Variants in INTS3 observed in about 807,000 individuals in gnomAD.
INTS3 encodes the protein integrator complex subunit 3.
In INTS3, 34 loss-of-function variants were observed where a neutral mutation model predicts 146.3. The observed-to-expected ratio is 0.23, with a 90% confidence interval of 0.18 to 0.31. The LOEUF is 0.31. INTS3 is among the 10% of genes least tolerant of loss of function. The pLI is 1.00. For synonymous variants in INTS3, 475 were observed against 494.9 expected (o/e 0.96, Z 0.53); for missense variants, 757 against 1,304.2 (o/e 0.58, Z 6.46).
intron 6 of INTS3, among the ~76,000 whole-genome samples, chr1:153,749,847 A>G (rs1350100241): frequency 1.3e-5 from 2 of 152,150 alleles, no homozygotes; most frequent in Non-Finnish European, 2.9e-5. Context: ...TATTCGTGGT[A>G]CCAAATACGT....
intron 1 of INTS3, among the ~76,000 whole-genome samples, chr1:153,734,031 C>T (rs111736946): frequency 2.0e-5 from 3 of 152,128 alleles, no homozygotes; most frequent in Non-Finnish European, 4.4e-5. Flanking sequence ...GCCTTCCCCC[C>T]CTTTCTCCCC....
chr1:153,770,449 C>G, intron 24 of INTS3, 138 bp downstream of exon 24: 1 of 717,252 alleles, frequency 1.4e-6, no homozygotes, highest in Non-Finnish European at 2.4e-6. Flanking sequence ...AGGGCAGGCT[C>G]TCTGTCAGCC....
At chr1:153,760,714 C>A in intron 12 of INTS3, 113 bp from the exon 13 acceptor site, 1 of 843,632 alleles carries the variant, frequency 1.2e-6, no homozygotes, top group Non-Finnish European at 2.0e-6. Flanking sequence ...CTCTCTGCAG[C>A]CATACTCCCC....
chr1:153,743,410 A>G (rs535284444), intron 3 of INTS3, among the ~76,000 whole-genome samples: 120 of 152,318 alleles, frequency 7.9e-4, no homozygotes, highest in African/African-American at 2.5e-3. Flanking sequence ...GAATACTGCT[A>G]TAAGGAAGGT....
At chr1:153,747,411 G>C (rs1671789314) in intron 5 of INTS3, 48 bp downstream of exon 5, 1 of 1,363,928 alleles carries the variant, frequency 7.3e-7, no homozygotes, top group South Asian at 1.2e-5. Flanking sequence ...AGAGCCCAGA[G>C]ACTACATAGA....
chr1:153,728,623 C>T lies in INTS3; in HGVS notation c.-12C>T. 2 of 1,596,282 alleles carry T rather than the reference C, an allele frequency of 1.3e-6. No individual in the cohort carries two copies. The highest frequency in any genetic ancestry group is 1.7e-6 in the Non-Finnish European group (2 of 1,174,240). On this transcript the variant is annotated 5_prime_UTR_variant, in exon 1 of 30. Transcript: ENST00000318967. ...CCACTCCCTGACCTTTTCCCGGCTCCTGGCTGCAGCCATGGAGTTGCAGAA... is the reference window on the plus strand; with the variant it reads ...CCACTCCCTGACCTTTTCCCGGCTCTTGGCTGCAGCCATGGAGTTGCAGAA...
chr1:153,733,315 C>T lies in INTS3; in HGVS notation c.150+4531C>T, dbSNP rs566967213. Among the ~76,000 whole-genome samples the T allele has an allele frequency of 1.0e-3, 133 of 130,484 alleles. 1 individual carries two copies. Among genetic ancestry groups the T allele is most frequent in the African/African-American group, 3.6e-3 (125 of 35,206 alleles). 85.6% of individuals were successfully genotyped at this position (130,484 alleles called of 152,430 possible). A position where few individuals can be genotyped will look rare whatever the true frequency, so the allele number is the denominator to read the frequency against. ...GCAACCTCCGCCCCCTGGGTTCAAG[C>T]GATTCTCCTGCCTCAGCCTCCCAAG... is the stretch of plus-strand genomic sequence containing the variant. On this transcript the variant is annotated intron_variant, in intron 1 of 29. Coordinates refer to ENST00000318967, the MANE Select transcript of INTS3 (RefSeq NM_023015.5).
intron 18 of INTS3, 42 bp from the exon 19 acceptor site, chr1:153,764,648 C>T: frequency 1.4e-6 from 2 of 1,465,708 alleles, no homozygotes; most frequent in Non-Finnish European, 1.9e-6. Context: ...GTGCCAGCAG[C>T]CCCCCTCACA....
intron 3 of INTS3, among the ~76,000 whole-genome samples, chr1:153,744,038 CGTGT>C (rs200825280): frequency 0.15 from 21,376 of 142,052 alleles, 2,027 homozygotes; most frequent in African/African-American, 0.29. Flanking sequence ...TGTGCATGTG[CGTGT>C]GTGTGTGTGT....
intron 25 of INTS3, 73 bp from the exon 26 acceptor site, chr1:153,771,723 A>C (rs1208160886): frequency 4.8e-6 from 7 of 1,468,942 alleles, no homozygotes; most frequent in Non-Finnish European, 6.5e-6. Flanking sequence ...GGGCTTGGGA[A>C]ATAAGTGGGA....
chr1:153,763,047 T>C (rs1672443049), intron 15 of INTS3, among the ~76,000 whole-genome samples, 186 bp from the exon 16 acceptor site: 1 of 152,258 alleles, frequency 6.6e-6, no homozygotes, highest in Non-Finnish European at 1.5e-5. Context: ...AAGTGGTTCC[T>C]GCCCTTGTTT....
At chr1:153,731,860 C>T (rs1198382039) in intron 1 of INTS3, among the ~76,000 whole-genome samples, 1 of 147,660 alleles carries the variant, frequency 6.8e-6, no homozygotes, top group Non-Finnish European at 1.5e-5. Flanking sequence ...GCTGGGATTA[C>T]AGACTTGAGC....
Position 153,728,667 on chromosome 1 carries a change from A to G in INTS3, c.33A>G (p.Ala11=). The G allele has an allele frequency of 1.2e-6, 2 of 1,606,028 alleles. No homozygotes were observed. Among genetic ancestry groups the G allele is most frequent in the Non-Finnish European group, 1.7e-6 (2 of 1,177,554 alleles). Residue 11 remains alanine, a synonymous_variant, in exon 1 of 30, where the codon GCA becomes GCG. Transcript: ENST00000318967. ...TGCAGAAGGGAAAAGGGGCGGCAGCAGCAGCAGCTGCTTCGGGAGCAGCGG... is the reference window on the plus strand; with the variant it reads ...TGCAGAAGGGAAAAGGGGCGGCAGCGGCAGCAGCTGCTTCGGGAGCAGCGG... MELQKGKGAA[A]AAAASGAAGG...
chr1:153,756,319 C>T (rs534024148), intron 9 of INTS3, among the ~76,000 whole-genome samples: 4 of 147,752 alleles, frequency 2.7e-5, no homozygotes, highest in African/African-American at 7.5e-5. Flanking sequence ...GAGCTGAGAT[C>T]GTGCCACTGC....
At position 153,740,671 on chromosome 1, in the gene INTS3, C is replaced by T; in HGVS notation, c.171C>T (p.Ser57=). 6.2e-7 allele frequency: 1 copy of T among 1,613,966 alleles called. No individual in the cohort carries two copies. ...CCCAGAGATTGGAAAGGTGTATGAG[C>T]ATTGTGACATCGATGACTGCTGGTG... The part of the protein sequence containing the change: ...ELEERLERCM[S]IVTSMTAGVS... Residue 57 remains serine, a synonymous_variant, in exon 2 of 30, where the codon AGC becomes AGT. Coordinates refer to ENST00000318967, the MANE Select transcript of INTS3 (RefSeq NM_023015.5).
chr1:153,732,242 A>G (rs536849475), intron 1 of INTS3, among the ~76,000 whole-genome samples: 1 of 152,092 alleles, frequency 6.6e-6, no homozygotes, highest in East Asian at 1.9e-4. Flanking sequence ...TCAGGGTTGC[A>G]TTTGGTTAGA....
chr1:153,762,119 A>C (rs1247296094), intron 14 of INTS3, among the ~76,000 whole-genome samples: 4 of 152,228 alleles, frequency 2.6e-5, no homozygotes, highest in African/African-American at 9.6e-5. Flanking sequence ...TAAGGGTCTA[A>C]GTCAAGTAGT....
chr1:153,772,087 C>A lies in INTS3; in HGVS notation c.2720+124C>A, dbSNP rs867103443. On this transcript the variant is annotated intron_variant, in intron 26 of 29. Coordinates refer to ENST00000318967, the MANE Select transcript of INTS3 (RefSeq NM_023015.5). The surrounding 1 kb of genome is among the most constrained non-coding windows in gnomAD (Gnocchi z 4.6). ...GTGCTGTCCCAGCCTGGTTTGTGGG[C>A]GACATCTAGTGGTCCGAAGCCACAT... The A allele has an allele frequency of 2.6e-5, 29 of 1,125,714 alleles. 1 individual carries two copies. The Middle Eastern group carries it at 3.7e-3, about 142-fold the overall frequency. The allele number at this position is 1,125,714 out of a possible 1,614,324, so 69.7% of individuals were successfully genotyped here.
At chr1:153,738,759 C>T (rs750611087) in intron 1 of INTS3, among the ~76,000 whole-genome samples, 2 of 152,200 alleles carry the variant, frequency 1.3e-5, no homozygotes, top group African/African-American at 4.8e-5. Flanking sequence ...TTATTACTTT[C>T]ACCATTTCAT....
Sources: gnomAD v4.1 joint callset for allele counts (sites outside exome capture counted in the v4.1 genomes callset) on GRCh38, gnomAD v4.1.1 for gene constraint, Gnocchi (gnomAD v3.1) non-coding constraint, MANE v1.5 for transcripts, NCBI Gene and HGNC (gene_info 2026-07-23, HGNC 2026-07-21) for gene names.